The following MFNG variants were observed in gnomAD, a reference collection of about 807,000 sequenced individuals.
The protein encoded by MFNG is beta-1,3-N-acetylglucosaminyltransferase manic fringe.
In MFNG, 24 loss-of-function variants were observed where a neutral mutation model predicts 34.2. The ratio of observed to expected loss-of-function variants is 0.70; its 90% CI spans 0.51 to 0.99. The LOEUF is 0.99. Among genes scored for constraint, MFNG ranks in the 50% least tolerant of loss-of-function variants. The pLI, the probability that MFNG is intolerant of heterozygous loss-of-function variation, is 0.00. For synonymous variants in MFNG, 158 were observed against 179.2 expected, an observed-to-expected ratio of 0.88 and a Z score of 0.94; for missense variants, 383 against 424.0, an observed-to-expected ratio of 0.90 and a Z score of 0.85.
chr22:37,480,620 G>T, intron 2 of MFNG, 101 bp downstream of exon 2: 1 of 1,128,684 alleles, frequency 8.9e-7, no homozygotes, highest in Non-Finnish European at 1.3e-6. Context: ...CCAAGGGTGG[G>T]CGGCCCATTT....
Position 37,480,279 on chromosome 22 carries a change from T to C in MFNG, c.325A>G (p.Asn109Asp), listed in dbSNP as rs772211342. ...ERLGSHLVVT[N>D]CSAEHSHPAL... ...GGGTGGCTGTGTTCCGCGGAGCAGT[T>C]GGTGACCACAAGGTGGGACCCTGGA... is the stretch of plus-strand genomic sequence containing the variant. The change falls in exon 3 of 8, where the codon AAC (asparagine) becomes GAC (aspartate). Residue 109 changes from asparagine to aspartate, a missense_variant. Transcript: ENST00000356998. The C allele has an allele frequency of 1.9e-6, 3 of 1,613,662 alleles. No homozygotes were observed. Among genetic ancestry groups the C allele is most frequent in the South Asian group, 2.2e-5 (2 of 91,060 alleles).
intron 5 of MFNG, 150 bp from the exon 6 acceptor site, chr22:37,474,827 C>T: frequency 1.3e-6 from 1 of 781,874 alleles, no homozygotes; most frequent in Non-Finnish European, 2.0e-6. Flanking sequence ...AGTCAGGAAC[C>T]TTGGGGAGCC....
At chr22:37,479,599 G>T in intron 3 of MFNG, 101 bp from the exon 4 acceptor site, 1 of 1,432,738 alleles carries the variant, frequency 7.0e-7, no homozygotes, top group Non-Finnish European at 9.6e-7. Flanking sequence ...ATGGGGGTAG[G>T]GGTGGGAGAG....
In MFNG at chr22:37,482,992, C is replaced by T. The variant is rs1488335129; in HGVS notation, c.256-2223G>A. ...CATCAGGGAGCTGGAGACTCGTGGA[C>T]ACCACCAGCCCTAGCCTCTCCCTGA... On this transcript the variant is annotated intron_variant, in intron 1 of 7. Coordinates refer to ENST00000356998, the MANE Select transcript of MFNG (RefSeq NM_002405.4). The surrounding 1 kb of genome is among the most constrained non-coding windows in gnomAD (Gnocchi z 4.1). Among the ~76,000 whole-genome samples the T allele has an allele frequency of 6.6e-6, 1 of 152,204 alleles. No homozygotes were observed. The highest frequency in any genetic ancestry group is 2.4e-5 in the African/African-American group (1 of 41,458).
Position 37,482,429 on chromosome 22 carries a change from T to TCA in MFNG, c.256-1662_256-1661dup, listed in dbSNP as rs148548781. ...GGGCTTCTCTCTCTGTCTCTCTCTC[T>TCA]CACACACACACACGCACACACACGC... On this transcript the variant is annotated intron_variant, in intron 1 of 7. Coordinates refer to ENST00000356998, the MANE Select transcript of MFNG (RefSeq NM_002405.4). The surrounding 1 kb of genome is among the most constrained non-coding windows in gnomAD (Gnocchi z 4.1). Among the ~76,000 whole-genome samples, 14 of 151,344 alleles carry TCA rather than the reference T, an allele frequency of 9.3e-5. No homozygotes were observed. Among genetic ancestry groups the TCA allele is most frequent in the African/African-American group, 2.2e-4 (9 of 41,222 alleles).
chr22:37,479,603 G>T, intron 3 of MFNG, 105 bp from the exon 4 acceptor site: 1 of 1,408,856 alleles, frequency 7.1e-7, no homozygotes, highest in Non-Finnish European at 9.8e-7. Context: ...GGGTAGGGGT[G>T]GGAGAGGCTG....
intron 1 of MFNG, among the ~76,000 whole-genome samples, chr22:37,481,624 G>C (rs1464817749): frequency 6.6e-6 from 1 of 152,208 alleles, no homozygotes; most frequent in African/African-American, 2.4e-5. Flanking sequence ...TCCATGCCCG[G>C]CCCAACATGG....
chr22:37,485,904 A>G lies in MFNG; in HGVS notation c.255+19T>C, dbSNP rs376377618. ...AGGCCAGGGGCCACCCCCAGGGCCC[A>G]ATGTCACCCACTTGTCACCTGTTCC... On this transcript the variant is annotated intron_variant, in intron 1 of 7. Coordinates refer to ENST00000356998, the MANE Select transcript of MFNG (RefSeq NM_002405.4). The surrounding 1 kb of genome is among the most constrained non-coding windows in gnomAD (Gnocchi z 5.3). 1 of 1,604,680 alleles carries G rather than the reference A, an allele frequency of 6.2e-7. No homozygotes were observed. The highest frequency in any genetic ancestry group is 8.5e-7 in the Non-Finnish European group (1 of 1,173,556).
In MFNG at chr22:37,486,152, AG is replaced by A; in HGVS notation, c.25del (p.Leu9TrpfsTer20). 1 of 1,587,484 alleles carries A rather than the reference AG, an allele frequency of 6.3e-7. No individual in the cohort carries two copies. The highest frequency in any genetic ancestry group is 8.6e-7 in the Non-Finnish European group (1 of 1,162,800). MQCRLPRG[L>X]AGALLTLLCM... ...CAGGAGGGTGAGGAGGGCTCCAGCC[AG>A]GCCCCGCGGGAGCCGGCACTGCATT... On this transcript the variant is annotated frameshift_variant, in exon 1 of 8. Transcript: ENST00000356998. LOFTEE classifies it high-confidence loss of function.
chr22:37,479,422 C>G lies in MFNG; in HGVS notation c.484G>C (p.Ala162Pro). 6.2e-7 allele frequency: 1 copy of G among 1,609,138 alleles called. No individual in the cohort carries two copies. Among genetic ancestry groups the G allele is most frequent in the Non-Finnish European group, 8.5e-7 (1 of 1,177,822 alleles). ...GGCCTTCCCACATAGACGTCGCGGG[C>G]CAGCGGGAAGGCTCTCAGAAGCTGC... ...LLQLLRAFPL[A>P]RDVYVGRPSL... Residue 162 changes from alanine to proline, a missense_variant, in exon 4 of 8, where the codon GCC becomes CCC. Physicochemically the swap from Ala to Pro is conservative, Grantham distance 27. Coordinates refer to ENST00000356998, the MANE Select transcript of MFNG (RefSeq NM_002405.4).
chr22:37,480,601 C>A, intron 2 of MFNG, 120 bp downstream of exon 2: 1 of 961,664 alleles, frequency 1.0e-6, no homozygotes. Flanking sequence ...AAAGGGGAAT[C>A]TCCACATGCC....
intron 6 of MFNG, among the ~76,000 whole-genome samples, chr22:37,474,187 T>C (rs372791172): frequency 6.6e-6 from 1 of 152,130 alleles, no homozygotes; most frequent in South Asian, 2.1e-4. Context: ...AGTAGAGGTA[T>C]GGGTGGAGAG....
At chr22:37,477,039 G>C in intron 4 of MFNG, 58 bp from the exon 5 acceptor site, 3 of 1,466,598 alleles carry the variant, frequency 2.0e-6, no homozygotes, top group Non-Finnish European at 2.9e-6. Flanking sequence ...TGGGGAAAAG[G>C]GACAGCCAGG....
chr22:37,473,063 G>A lies in MFNG; in HGVS notation c.814-535C>T, dbSNP rs145557840. ...CTGTGTGCCGTGGTCAGTTCAGCTCGCTGGGTCTCATTTTCCCCATCTATA... is the reference window on the plus strand; with the variant it reads ...CTGTGTGCCGTGGTCAGTTCAGCTCACTGGGTCTCATTTTCCCCATCTATA... On this transcript the variant is annotated intron_variant, in intron 6 of 7. Coordinates refer to ENST00000356998, the MANE Select transcript of MFNG (RefSeq NM_002405.4). 1.8e-4 allele frequency among the ~76,000 whole-genome samples: 27 copies of A among 152,198 alleles called. 1 individual carries two copies. In the East Asian group the frequency reaches 3.7e-3, roughly 21 times the overall value.
rs547577975 is a variant in MFNG at position 37,469,296 on chromosome 22, C to A, written c.*667G>T. On this transcript the variant is annotated 3_prime_UTR_variant, in exon 8 of 8. Transcript: ENST00000356998. ...GGCCAGAGCTGGTCCCATGGTAGCC[C>A]CTAACAGCAAGAAAGGCTGGGAAAT... 37 of 162,696 alleles carry A rather than the reference C, an allele frequency of 2.3e-4. No homozygotes were observed. Among genetic ancestry groups the A allele is most frequent in the Middle Eastern group, 3.1e-3 (1 of 324 alleles). 10.1% of individuals were successfully genotyped at this position (162,696 alleles called of 1,614,324 possible).
intron 4 of MFNG, among the ~76,000 whole-genome samples, chr22:37,478,879 A>G (rs1159055673): frequency 6.6e-6 from 1 of 152,084 alleles, no homozygotes; most frequent in South Asian, 2.1e-4. Context: ...GGGTTTCACC[A>G]TATTGGTCAG....
At chr22:37,478,661 C>T (rs1219491813) in intron 4 of MFNG, among the ~76,000 whole-genome samples, 2 of 150,702 alleles carry the variant, frequency 1.3e-5, no homozygotes, top group Non-Finnish European at 3.0e-5. Context: ...CCCAGCCCCA[C>T]AGTATTCAGC....
rs74956003 is a variant in MFNG at position 37,483,834 on chromosome 22, G to A, written c.255+2089C>T. ...GAGTGAGGGAGAGAGCCGGGAAGGGGAGTCCAGGTCCAGAGGGGGCGGGGG... is the reference window on the plus strand; with the variant it reads ...GAGTGAGGGAGAGAGCCGGGAAGGGAAGTCCAGGTCCAGAGGGGGCGGGGG... On this transcript the variant is annotated intron_variant, in intron 1 of 7. Transcript: ENST00000356998. This position sits in a 1 kb window ranked among gnomAD's most constrained non-coding sequence, Gnocchi z 4.5. Among the ~76,000 whole-genome samples, 3,089 of 152,240 alleles carry A rather than the reference G, an allele frequency of 0.02. 114 individuals are homozygous for A. Among genetic ancestry groups the A allele is most frequent in the African/African-American group, 0.071 (2,955 of 41,532 alleles).
At position 37,485,707 on chromosome 22, in the gene MFNG, G is replaced by C. The variant is rs1237585760; in HGVS notation, c.255+216C>G. Among the ~76,000 whole-genome samples, 1 of 152,318 alleles carries C rather than the reference G, an allele frequency of 6.6e-6. No homozygotes were observed. Among genetic ancestry groups the C allele is most frequent in the Admixed American group, 6.5e-5 (1 of 15,312 alleles). ...CAAAAGTGGTGGAGCGGTAGGACCTGGGTGCACCTGGAGTCAGGACCAGTA... is the reference window on the plus strand; with the variant it reads ...CAAAAGTGGTGGAGCGGTAGGACCTCGGTGCACCTGGAGTCAGGACCAGTA... On this transcript the variant is annotated intron_variant, in intron 1 of 7. Coordinates refer to ENST00000356998, the MANE Select transcript of MFNG (RefSeq NM_002405.4). This position sits in a 1 kb window ranked among gnomAD's most constrained non-coding sequence, Gnocchi z 5.3.
Sources: gnomAD v4.1 joint callset for allele counts (sites outside exome capture counted in the v4.1 genomes callset) on GRCh38, gnomAD v4.1.1 for gene constraint, Gnocchi (gnomAD v3.1) non-coding constraint, MANE v1.5 for transcripts, NCBI Gene and HGNC (gene_info 2026-07-23, HGNC 2026-07-21) for gene names.